The following UGT1A10 variants were observed in gnomAD, a reference collection of about 807,000 sequenced individuals.
UGT1A10 encodes UDP glucuronosyltransferase family 1 member A10.
In UGT1A10, 49 loss-of-function variants were observed where a neutral mutation model predicts 45.8. The ratio of observed to expected loss-of-function variants is 1.07; its 90% CI spans 0.85 to 1.36. The LOEUF (loss-of-function observed/expected upper bound fraction) is 1.36, where lower values mean the gene tolerates loss of function less well. UGT1A10 is among the 40% of genes most tolerant of loss of function. The pLI, the probability that UGT1A10 is intolerant of heterozygous loss-of-function variation, is 0.00. For missense variants in UGT1A10, 745 were observed against 668.6 expected, an observed-to-expected ratio of 1.11 and a Z score of -1.26; for synonymous variants, 284 against 249.7, an observed-to-expected ratio of 1.14 and a Z score of -1.29.
At chr2:233,707,180 T>G (rs2075945889) in intron 1 of UGT1A10, among the ~76,000 whole-genome samples, 2 of 152,156 alleles carry the variant, frequency 1.3e-5, no homozygotes, top group Non-Finnish European at 2.9e-5. Flanking sequence ...CCATCCTGGG[T>G]GCCTGCCCTC....
intron 1 of UGT1A10, among the ~76,000 whole-genome samples, chr2:233,730,472 G>T (rs2078038182): frequency 6.6e-6 from 1 of 152,162 alleles, no homozygotes; most frequent in South Asian, 2.1e-4. Context: ...GGAGACCTAG[G>T]CACTCACATG....
At chr2:233,747,651 G>C in intron 1 of UGT1A10, 1 of 1,588,730 alleles carries the variant, frequency 6.3e-7, no homozygotes, top group Non-Finnish European at 8.6e-7. Flanking sequence ...TACTTCCTTC[G>C]ATGTGGTTTT....
Position 233,754,896 on chromosome 2 carries a change from C to T in UGT1A10, c.856-12138C>T, listed in dbSNP as rs755836502. 29 of 1,350,518 alleles carry T rather than the reference C, an allele frequency of 2.1e-5. No homozygotes were observed. The African/African-American group carries it at 3.1e-4, about 15-fold the overall frequency. The allele number at this position is 1,350,518 out of a possible 1,614,324, so 83.7% of individuals were successfully genotyped here. A position where few individuals can be genotyped will look rare whatever the true frequency, so the allele number is the denominator to read the frequency against. On this transcript the variant is annotated intron_variant, in intron 1 of 4. Transcript: ENST00000344644. ...TCTGCTTCCCAGGGAGTTCCTCTGA[C>T]CCCCCAAAATATTCTCCAGCGGGTT...
intron 1 of UGT1A10, among the ~76,000 whole-genome samples, chr2:233,685,279 C>T (rs532732563): frequency 7.9e-5 from 12 of 152,180 alleles, no homozygotes; most frequent in Non-Finnish European, 1.3e-4. Flanking sequence ...GTGATCCGCC[C>T]GCCTCCGCCT....
chr2:233,743,880 G>C (rs754311427), intron 1 of UGT1A10: 1 of 1,366,528 alleles, frequency 7.3e-7, no homozygotes, highest in South Asian at 1.1e-5. Flanking sequence ...GATGAGGCCT[G>C]CCGGGGCACG....
chr2:233,685,511 A>G (rs1382133056), intron 1 of UGT1A10, among the ~76,000 whole-genome samples: 1 of 152,220 alleles, frequency 6.6e-6, no homozygotes, highest in Admixed American at 6.5e-5. Context: ...GCAAGAAAAG[A>G]TCTATGCTTT....
chr2:233,673,505 C>G (rs915614817), intron 1 of UGT1A10, among the ~76,000 whole-genome samples: 1 of 152,056 alleles, frequency 6.6e-6, no homozygotes, highest in African/African-American at 2.4e-5. Context: ...TTGACTAGAG[C>G]CCTACATGTA....
intron 1 of UGT1A10, chr2:233,760,692 G>A (rs541943163): frequency 1.2e-6 from 2 of 1,614,200 alleles, no homozygotes; most frequent in South Asian, 1.1e-5. Flanking sequence ...ACAACAAGGA[G>A]CTCATGGCCT....
intron 1 of UGT1A10, among the ~76,000 whole-genome samples, chr2:233,703,576 T>C (rs1010311982): frequency 2.0e-5 from 3 of 152,152 alleles, no homozygotes; most frequent in East Asian, 3.9e-4. Context: ...TTTTAAGGTC[T>C]ATATTATCTT....
At chr2:233,746,150 G>A (rs1029682140) in intron 1 of UGT1A10, among the ~76,000 whole-genome samples, 1 of 151,866 alleles carries the variant, frequency 6.6e-6, no homozygotes, top group African/African-American at 2.4e-5. Flanking sequence ...GTGATAGCAT[G>A]ATTCCAAAGC....
intron 1 of UGT1A10, among the ~76,000 whole-genome samples, chr2:233,678,494 A>G (rs2074418799): frequency 6.6e-6 from 1 of 152,140 alleles, no homozygotes; most frequent in Admixed American, 6.5e-5. Flanking sequence ...GTGTAACCTT[A>G]TGGAAATACA....
chr2:233,772,803 T>C lies in UGT1A10; in HGVS notation c.*244T>C. On this transcript the variant is annotated 3_prime_UTR_variant, in exon 5 of 5. Transcript: ENST00000344644. The stretch of plus-strand genomic sequence containing the variant: ...TTGATCAGGATGACATGTGCCATTT[T>C]TCAGAGGACGTGCAGACAGGCTGGC... 8.8e-7 allele frequency: 1 copy of C among 1,134,554 alleles called. No homozygotes were observed. Among genetic ancestry groups the C allele is most frequent in the Non-Finnish European group, 1.2e-6 (1 of 843,778 alleles). The allele number at this position is 1,134,554 out of a possible 1,614,324, so 70.3% of individuals were successfully genotyped here.
Position 233,757,535 on chromosome 2 carries a change from A to AATATATATATATAT in UGT1A10, c.856-9486_856-9473dup, listed in dbSNP as rs67292694. Among the ~76,000 whole-genome samples the AATATATATATATAT allele has an allele frequency of 5.3e-3, 468 of 88,236 alleles. 9 individuals carry two copies. Among genetic ancestry groups the AATATATATATATAT allele is most frequent in the South Asian group, 0.014 (26 of 1,916 alleles). The allele number at this position is 88,236 out of a possible 152,430, so 57.9% of individuals were successfully genotyped here. Reference sequence around the variant, plus strand: ...CAAAGCCAAAATCTTGCCTGTAAGGAATATATATATATATATATATATATA... The same window carrying AATATATATATATAT: ...CAAAGCCAAAATCTTGCCTGTAAGGAATATATATATATATATATATATATATATATATATATATA... On this transcript the variant is annotated intron_variant, in intron 1 of 4. Transcript: ENST00000344644.
chr2:233,682,299 T>C, intron 1 of UGT1A10: 1 of 1,614,216 alleles, frequency 6.2e-7, no homozygotes, highest in Non-Finnish European at 8.5e-7. Flanking sequence ...GACTTATTTT[T>C]TTCAAATTGC....
chr2:233,729,743 C>T (rs748913597), intron 1 of UGT1A10: 1 of 1,613,994 alleles, frequency 6.2e-7, no homozygotes, highest in Non-Finnish European at 8.5e-7. Context: ...GACCACATGA[C>T]ATTCATGCAA....
chr2:233,681,945 G>A (rs752380757), intron 1 of UGT1A10: 6 of 1,613,218 alleles, frequency 3.7e-6, no homozygotes, highest in Admixed American at 1.7e-5. Context: ...CTGATGGCTC[G>A]TGCAGGGTGG....
intron 1 of UGT1A10, among the ~76,000 whole-genome samples, chr2:233,730,664 G>A (rs11891311): frequency 0.41 from 62,447 of 151,822 alleles, 13,776 homozygotes; most frequent in African/African-American, 0.57. Context: ...GAGTTCGGAA[G>A]GCAAAGTAAT....
At chr2:233,708,951 A>G (rs186386520) in intron 1 of UGT1A10, among the ~76,000 whole-genome samples, 11 of 152,180 alleles carry the variant, frequency 7.2e-5, no homozygotes, top group Admixed American at 7.2e-4. Flanking sequence ...GAACCCATTT[A>G]TATGTTTCCA....
Position 233,704,349 on chromosome 2 carries a change from C to A in UGT1A10, c.856-62685C>A, listed in dbSNP as rs185634729. Among the ~76,000 whole-genome samples, 184 of 135,628 alleles carry A rather than the reference C, an allele frequency of 1.4e-3. 1 individual carries two copies. The highest frequency in any genetic ancestry group is 4.9e-3 in the African/African-American group (171 of 34,948). The allele number at this position is 135,628 out of a possible 152,430, so 89.0% of individuals were successfully genotyped here. ...TTTCCACTATTTAAAAAGTTGTGTT[C>A]TGAGCGGTTGTTCTAGGGCTTAGCA... On this transcript the variant is annotated intron_variant, in intron 1 of 4. Coordinates refer to ENST00000344644, the MANE Select transcript of UGT1A10 (RefSeq NM_019075.4).
Sources: gnomAD v4.1 joint callset for allele counts (sites outside exome capture counted in the v4.1 genomes callset) on GRCh38, gnomAD v4.1.1 for gene constraint, MANE v1.5 for transcripts, NCBI Gene and HGNC (gene_info 2026-07-23, HGNC 2026-07-21) for gene names.